The following CAMSAP1 variants were observed in gnomAD, a reference collection of about 807,000 sequenced individuals.
CAMSAP1 encodes the protein calmodulin regulated spectrin associated protein 1.
CAMSAP1 carries 58 observed loss-of-function variants against 143.5 expected under a neutral mutation model. That is an observed-to-expected ratio of 0.40 (90% CI 0.33 to 0.50). CAMSAP1 has a LOEUF of 0.50. Among genes scored for constraint, CAMSAP1 ranks in the 20% least tolerant of loss-of-function variants. The pLI is 0.45. For missense variants in CAMSAP1, 1,969 were observed against 2,115.7 expected, an observed-to-expected ratio of 0.93 and a Z score of 1.36; for synonymous variants, 945 against 859.3, an observed-to-expected ratio of 1.10 and a Z score of -1.74.
intron 1 of CAMSAP1, among the ~76,000 whole-genome samples, chr9:135,887,769 A>C (rs1426598483): frequency 6.6e-6 from 1 of 152,098 alleles, no homozygotes; most frequent in African/African-American, 2.4e-5. Context: ...CAGGGGGCAG[A>C]GTGAAAGTCA....
chr9:135,847,280 G>A (rs1374811781), intron 7 of CAMSAP1, among the ~76,000 whole-genome samples: 5 of 152,098 alleles, frequency 3.3e-5, no homozygotes, highest in East Asian at 3.9e-4. Flanking sequence ...GTGTGAACCC[G>A]GGAGGTGGAG....
intron 4 of CAMSAP1, among the ~76,000 whole-genome samples, chr9:135,865,082 C>T (rs1198567294): frequency 1.3e-5 from 2 of 152,152 alleles, no homozygotes; most frequent in Admixed American, 6.5e-5. Flanking sequence ...ATTACGTGCA[C>T]GTTGATCACT....
intron 5 of CAMSAP1, among the ~76,000 whole-genome samples, chr9:135,858,299 A>G (rs1837049869): frequency 6.6e-6 from 1 of 152,208 alleles, no homozygotes; most frequent in South Asian, 2.1e-4. Context: ...ATGGATAGAA[A>G]ACTGCCCTTC....
intron 1 of CAMSAP1, among the ~76,000 whole-genome samples, chr9:135,895,704 A>AT (rs1397322358): frequency 1.1e-4 from 17 of 152,308 alleles, no homozygotes; most frequent in Admixed American, 1.0e-3. Context: ...GATGACAAAA[A>AT]TTTTAACACT....
Position 135,822,825 on chromosome 9 carries a change from C to T in CAMSAP1, c.1836G>A (p.Glu612=), listed in dbSNP as rs1835529828. 1 of 1,614,018 alleles carries T rather than the reference C, an allele frequency of 6.2e-7. No homozygotes were observed. Among genetic ancestry groups the T allele is most frequent in the Non-Finnish European group, 8.5e-7 (1 of 1,179,906 alleles). ...PAKEKQVITK[E]DERGEGRPRS... ...TCGGTCTCCCTTCCCCCCGTTCATC[C>T]TCCTTGGTGATCACCTGCTTCTCTT... The change falls in exon 11 of 17, where the codon GAG becomes GAA. Residue 612 remains glutamate, a synonymous_variant. Coordinates refer to ENST00000389532, the MANE Select transcript of CAMSAP1 (RefSeq NM_015447.4). This position sits in a 1 kb window ranked among gnomAD's most constrained non-coding sequence, Gnocchi z 6.1.
intron 5 of CAMSAP1, among the ~76,000 whole-genome samples, chr9:135,859,056 T>C (rs1837079822): frequency 6.6e-6 from 1 of 152,136 alleles, no homozygotes; most frequent in African/African-American, 2.4e-5. Context: ...CTCAATCCAG[T>C]CAAATTCACA....
In CAMSAP1 at chr9:135,850,307, A is replaced by C. The variant is rs1161108332; in HGVS notation, c.948+15T>G. 1 of 1,610,398 alleles carries C rather than the reference A, an allele frequency of 6.2e-7. No individual in the cohort carries two copies. Among genetic ancestry groups the C allele is most frequent in the Admixed American group, 1.7e-5 (1 of 59,414 alleles). On this transcript the variant is annotated intron_variant, in intron 6 of 16. Coordinates refer to ENST00000389532, the MANE Select transcript of CAMSAP1 (RefSeq NM_015447.4). ...ACATGGTTTTAAAACTGCATGCCAA[A>C]TAATTCGTTATTACCTTCAACACTA...
chr9:135,883,219 G>C (rs1838016396), intron 1 of CAMSAP1, 141 bp from the exon 2 acceptor site: 1 of 857,650 alleles, frequency 1.2e-6, no homozygotes, highest in African/African-American at 1.7e-5. Context: ...AAAAATAATT[G>C]ATTGATTGAT....
chr9:135,822,869 C>T lies in CAMSAP1; in HGVS notation c.1792G>A (p.Ala598Thr). 1 of 1,613,978 alleles carries T rather than the reference C, an allele frequency of 6.2e-7. No individual in the cohort carries two copies. The highest frequency in any genetic ancestry group is 8.5e-7 in the Non-Finnish European group (1 of 1,179,902). Residue 598 changes from alanine (A) to threonine (T), a missense_variant, in exon 11 of 17, where the codon GCA becomes ACA. By Grantham distance (58) the Ala-to-Thr change is moderately conservative. Transcript: ENST00000389532. The surrounding 1 kb of genome is among the most constrained non-coding windows in gnomAD (Gnocchi z 6.1). ...DSFFLEPLMP[A>T]VLKPAKEKQV... Reference sequence around the variant, plus strand: ...TTCTCTTTCGCTGGCTTAAGAACTGCTGGCATCAAAGGCTCCAAGAAAAAA... The same window carrying T: ...TTCTCTTTCGCTGGCTTAAGAACTGTTGGCATCAAAGGCTCCAAGAAAAAA...
chr9:135,863,931 T>C (rs10116275), intron 4 of CAMSAP1, among the ~76,000 whole-genome samples: 22,765 of 151,906 alleles, frequency 0.15, 2,208 homozygotes, highest in East Asian at 0.34. Flanking sequence ...ATGGATGGGG[T>C]GGGCTTAAGG....
At chr9:135,844,209 C>T (rs897891072) in intron 7 of CAMSAP1, among the ~76,000 whole-genome samples, 3 of 152,166 alleles carry the variant, frequency 2.0e-5, no homozygotes, top group East Asian at 1.9e-4. Flanking sequence ...AAGTAAAACA[C>T]TCCTCAGCAA....
rs1233900318 is a variant in CAMSAP1, at chr9:135,818,257, T to C, written c.4168+151A>G. ...GTGCCGCACATCTCAGAGCATCTGG[T>C]CTCAACATTGTCATCCATGAAACGG... On this transcript the variant is annotated intron_variant, in intron 13 of 16. Transcript: ENST00000389532. This position sits in a 1 kb window ranked among gnomAD's most constrained non-coding sequence, Gnocchi z 7.7. 4 of 1,100,128 alleles carry C rather than the reference T, an allele frequency of 3.6e-6. No individual in the cohort carries two copies. The African/African-American group carries it at 6.3e-5, about 17-fold the overall frequency. 68.1% of individuals were successfully genotyped at this position (1,100,128 alleles called of 1,614,324 possible). A position where few individuals can be genotyped will look rare whatever the true frequency, so the allele number is the denominator to read the frequency against.
rs374438866 is a variant in CAMSAP1, at chr9:135,833,192, T to C, written c.1046-5608A>G. Among the ~76,000 whole-genome samples the C allele has an allele frequency of 3.7e-3, 557 of 151,902 alleles. 3 individuals carry two copies. The highest frequency in any genetic ancestry group is 0.014 in the Middle Eastern group (4 of 294). ...CGCCTCCCGGATTCACGCCATTCTC[T>C]TGCCTCAGCCTCCCAAGTAGCTGGG... On this transcript the variant is annotated intron_variant, in intron 7 of 16. Coordinates refer to ENST00000389532, the MANE Select transcript of CAMSAP1 (RefSeq NM_015447.4).
intron 10 of CAMSAP1, 30 bp downstream of exon 10, chr9:135,823,920 A>G: frequency 1.3e-6 from 2 of 1,542,930 alleles, no homozygotes; most frequent in East Asian, 4.8e-5. Flanking sequence ...AAACATTCCA[A>G]ACAGAAACAC....
intron 14 of CAMSAP1, 119 bp from the exon 15 acceptor site, chr9:135,816,124 C>T (rs1835222507): frequency 3.6e-6 from 3 of 843,024 alleles, no homozygotes; most frequent in Non-Finnish European, 3.8e-6. Context: ...AGGAGGCTTT[C>T]GGTGACGGTG....
At chr9:135,900,331 T>C (rs574038675) in intron 1 of CAMSAP1, among the ~76,000 whole-genome samples, 104 of 152,054 alleles carry the variant, frequency 6.8e-4, no homozygotes, top group Non-Finnish European at 9.4e-4. Flanking sequence ...CCCCCAGATA[T>C]AAGTTTAATT....
intron 5 of CAMSAP1, among the ~76,000 whole-genome samples, chr9:135,852,875 G>A (rs1443647467): frequency 1.3e-5 from 2 of 152,092 alleles, no homozygotes; most frequent in African/African-American, 2.4e-5. Flanking sequence ...GAGGCCATCC[G>A]GATATAAACA....
chr9:135,825,937 A>T (rs112087680), intron 8 of CAMSAP1, among the ~76,000 whole-genome samples: 5 of 152,300 alleles, frequency 3.3e-5, no homozygotes, highest in African/African-American at 1.2e-4. Context: ...GGCTCAAGGC[A>T]GGGAGCCCGG....
Position 135,816,021 on chromosome 9 carries a change from G to C in CAMSAP1, c.4272-16C>G, listed in dbSNP as rs774549300. 1 of 1,610,620 alleles carries C rather than the reference G, an allele frequency of 6.2e-7. No individual in the cohort carries two copies. Among genetic ancestry groups the C allele is most frequent in the East Asian group, 2.2e-5 (1 of 44,850 alleles). On this transcript the variant is annotated splice_polypyrimidine_tract_variant and intron_variant, in intron 14 of 16. Transcript: ENST00000389532. ...CGATTCCACTCTGCAGGCAGAAACAGACAAGAGACAGGCAGGTGAAGCGCT... is the reference window on the plus strand; with the variant it reads ...CGATTCCACTCTGCAGGCAGAAACACACAAGAGACAGGCAGGTGAAGCGCT...
Sources: gnomAD v4.1 joint callset for allele counts (sites outside exome capture counted in the v4.1 genomes callset) on GRCh38, gnomAD v4.1.1 for gene constraint, Gnocchi (gnomAD v3.1) non-coding constraint, MANE v1.5 for transcripts, NCBI Gene and HGNC (gene_info 2026-07-23, HGNC 2026-07-21) for gene names.